The following PRP4K variants were observed in gnomAD, a reference collection of about 807,000 sequenced individuals.
PRP4K encodes pre-mRNA processing factor kinase PRP4K.
the PRP4K span, chr6:4,021,418 A>G: frequency 8.9e-6 from 14 of 1,581,770 alleles, no homozygotes; most frequent in Non-Finnish European, 1.2e-5. Flanking sequence ...GGAGTCAGGA[A>G]GTTCAAGATG....
At chr6:4,049,997 T>G in the PRP4K span, 2 of 1,161,240 alleles carry the variant, frequency 1.7e-6, no homozygotes, top group Non-Finnish European at 2.4e-6. Context: ...GTATTGCAAT[T>G]ATAAAGTAAT....
chr6:4,042,983 A>C, the PRP4K span, among the ~76,000 whole-genome samples: 1 of 152,268 alleles, frequency 6.6e-6, no homozygotes, highest in African/African-American at 2.4e-5. Flanking sequence ...ATGGTGGTTT[A>C]AATGAAACAT....
the PRP4K span, among the ~76,000 whole-genome samples, chr6:4,041,676 G>A: frequency 4.0e-5 from 1 of 25,130 alleles, no homozygotes; most frequent in South Asian, 6.5e-4. Flanking sequence ...CATGTCTGAG[G>A]ACATTTCTTG....
chr6:4,038,158 G>T, the PRP4K span, among the ~76,000 whole-genome samples: 9 of 152,060 alleles, frequency 5.9e-5, no homozygotes, highest in African/African-American at 2.2e-4. Context: ...AGTAATAAAT[G>T]AATATAATTT....
the PRP4K span, chr6:4,049,199 G>GA: frequency 8.6e-7 from 1 of 1,159,068 alleles, no homozygotes. Flanking sequence ...GGAGAACTCT[G>GA]AAAAATCACA....
chr6:4,024,846 G>A, the PRP4K span, among the ~76,000 whole-genome samples: 11 of 152,054 alleles, frequency 7.2e-5, no homozygotes, highest in African/African-American at 2.4e-4. Flanking sequence ...CAGGTGATCC[G>A]CCAGTCTCAG....
chr6:4,038,078 A>G, the PRP4K span, among the ~76,000 whole-genome samples: 130 of 152,280 alleles, frequency 8.5e-4, 1 homozygote, highest in African/African-American at 3.1e-3. Context: ...AAATTCATAC[A>G]TACATGAAAT....
chr6:4,051,588 A>T, the PRP4K span, among the ~76,000 whole-genome samples: 1 of 152,236 alleles, frequency 6.6e-6, no homozygotes, highest in African/African-American at 2.4e-5. Flanking sequence ...AAATTCTGGG[A>T]TTACAGGCAT....
the PRP4K span, among the ~76,000 whole-genome samples, chr6:4,031,384 G>T: frequency 1.3e-5 from 2 of 152,154 alleles, no homozygotes; most frequent in African/African-American, 4.8e-5. Flanking sequence ...ATCCAACTCA[G>T]TTCTTGCCGT....
chr6:4,035,026 A>C, the PRP4K span, among the ~76,000 whole-genome samples: 1 of 152,096 alleles, frequency 6.6e-6, no homozygotes, highest in East Asian at 1.9e-4. Context: ...ATTTTAGCAG[A>C]CAACACTCTG....
the PRP4K span, chr6:4,032,732 G>A: frequency 2.5e-6 from 4 of 1,578,428 alleles, no homozygotes; most frequent in Admixed American, 2.1e-5. Flanking sequence ...GAGAACCAGA[G>A]AGGAGACGAC....
At chr6:4,056,373 A>G in the PRP4K span, 1 of 1,614,154 alleles carries the variant, frequency 6.2e-7, no homozygotes, top group Non-Finnish European at 8.5e-7. Context: ...TCGGCTTCAC[A>G]TGTTGCGGAT....
the PRP4K span, chr6:4,052,825 T>G: frequency 1.2e-6 from 2 of 1,613,002 alleles, no homozygotes; most frequent in Non-Finnish European, 1.7e-6. Context: ...TGAAACTCCT[T>G]AAAAGATGCA....
chr6:4,050,372 C>T, the PRP4K span: 248 of 711,332 alleles, frequency 3.5e-4, 20 homozygotes, highest in East Asian at 7.7e-3. Flanking sequence ...AGCCATATGT[C>T]ATATGTACTG....
chr6:4,044,889 G>T, the PRP4K span, among the ~76,000 whole-genome samples: 1 of 142,932 alleles, frequency 7.0e-6, no homozygotes, highest in Non-Finnish European at 1.5e-5. Flanking sequence ...AAGAGACAGA[G>T]TCTTGCTCTG....
At chr6:4,039,618 G>C in the PRP4K span, among the ~76,000 whole-genome samples, 1 of 152,148 alleles carries the variant, frequency 6.6e-6, no homozygotes, top group Non-Finnish European at 1.5e-5. Context: ...ATCTTGCAGA[G>C]GATAGGGAGT....
the PRP4K span, among the ~76,000 whole-genome samples, chr6:4,054,014 G>GT: frequency 6.6e-5 from 10 of 151,926 alleles, no homozygotes; most frequent in African/African-American, 2.4e-4. Flanking sequence ...AGCCCAAGCA[G>GT]TTCTCCTGCC....
At chr6:4,056,230 TTAA>T in the PRP4K span, 3 of 843,706 alleles carry the variant, frequency 3.6e-6, no homozygotes, top group Non-Finnish European at 5.7e-6. Flanking sequence ...AGTATTGGAA[TTAA>T]TAAAACTTTT....
chr6:4,058,541 T>C, the PRP4K span, among the ~76,000 whole-genome samples: 1 of 152,260 alleles, frequency 6.6e-6, no homozygotes, highest in Admixed American at 6.5e-5. Context: ...TTAAGTAGTT[T>C]TAGGTACAGC....
Sources: allele counts gnomAD v4.1 joint callset (sites outside exome capture counted in the v4.1 genomes callset), GRCh38; gene constraint gnomAD v4.1.1; transcripts MANE v1.5; gene names NCBI Gene and HGNC (gene_info 2026-07-23, HGNC 2026-07-21).